APOL3: variants seen among roughly 807,000 people sequenced by gnomAD.
APOL3 encodes the protein TNF-inducible protein CG12-1.
In APOL3, 14 loss-of-function variants were observed where a neutral mutation model predicts 11.6. The ratio of observed to expected loss-of-function variants is 1.21; its 90% CI spans 0.80 to 1.89. APOL3 has a LOEUF of 1.89. Ranked by LOEUF, APOL3 falls within the 40% of genes most tolerant of loss-of-function variation. The pLI is 0.00. For missense variants in APOL3, 483 were observed against 492.1 expected (o/e 0.98, Z 0.17); for synonymous variants, 192 against 190.6 (o/e 1.01, Z -0.06).
upstream of APOL3, among the ~76,000 whole-genome samples, chr22:36,163,530 C>T (rs1258523001): frequency 6.6e-6 from 1 of 152,126 alleles, no homozygotes; most frequent in Non-Finnish European, 1.5e-5. Flanking sequence ...TTCTTTCTTT[C>T]TAACCACTTT....
intron 1 of APOL3, chr22:36,159,403 C>T (rs1402628173): frequency 6.6e-6 from 1 of 152,206 alleles, no homozygotes; most frequent in Non-Finnish European, 1.5e-5. Context: ...GGAAGGTCAA[C>T]ACCTGACCTC....
intron 1 of APOL3, among the ~76,000 whole-genome samples, chr22:36,155,514 C>G (rs966416628): frequency 1.1e-4 from 17 of 152,056 alleles, no homozygotes; most frequent in Admixed American, 6.5e-5. Flanking sequence ...AATAGAGGCA[C>G]TAGGGGAGTG....
chr22:36,160,788 C>G lies in APOL3; in HGVS notation c.104G>C (p.Gly35Ala), dbSNP rs148885226. 4 of 1,614,144 alleles carry G rather than the reference C, an allele frequency of 2.5e-6. No individual in the cohort carries two copies. In the East Asian group the frequency reaches 8.9e-5, roughly 36 times the overall value. Residue 35 changes from glycine (G) to alanine (A), a missense_variant, in exon 1 of 3, where the codon GGT (glycine) becomes GCT (alanine). Physicochemically the swap from Gly to Ala is moderately conservative, Grantham distance 60. Transcript: ENST00000349314. ...CACGTTCTCCAGGCTCTGAGATATA[C>G]CCTGGAACCCAAAAGGGAAAGTGAA...
Position 36,154,692 on chromosome 22 carries a change from A to G in APOL3, c.223+5977T>C. 3 of 468,270 alleles carry G rather than the reference A, an allele frequency of 6.4e-6. No individual in the cohort carries two copies. In the Admixed American group the frequency reaches 7.1e-5, roughly 11 times the overall value. 29.0% of individuals were successfully genotyped at this position (468,270 alleles called of 1,614,324 possible). On this transcript the variant is annotated intron_variant, in intron 1 of 2. Coordinates refer to ENST00000349314, the Ensembl canonical transcript of APOL3. ...ACAGGGTGACTCTGAGATTGTGAGC[A>G]AATGAGACAGAGCAATTAGACTTCA...
intron 1 of APOL3, among the ~76,000 whole-genome samples, chr22:36,145,823 A>C (rs2060180158): frequency 2.6e-5 from 4 of 152,112 alleles, no homozygotes; most frequent in Admixed American, 2.6e-4. Context: ...TAAGGAAGTC[A>C]TTAATTTAAA....
At chr22:36,146,384 C>T (rs1277980835) in intron 1 of APOL3, 11 of 151,948 alleles carry the variant, frequency 7.2e-5, no homozygotes, top group Admixed American at 3.3e-4. Flanking sequence ...TATTGTCAAA[C>T]GCTTTACACC....
At chr22:36,160,973 G>C (rs2013662627), upstream of APOL3, 4 of 1,277,874 alleles carry the variant, frequency 3.1e-6, no homozygotes, top group Middle Eastern at 2.4e-4. Flanking sequence ...CAACCCACCT[G>C]CCTCCCATAC....
chr22:36,149,554 A>G (rs547149173), intron 1 of APOL3, among the ~76,000 whole-genome samples: 36 of 152,328 alleles, frequency 2.4e-4, no homozygotes, highest in African/African-American at 8.7e-4. Flanking sequence ...TGTGATCTGC[A>G]GGGCTCCTCA....
chr22:36,144,972 C>T (rs1315904118), intron 2 of APOL3, among the ~76,000 whole-genome samples: 12 of 141,288 alleles, frequency 8.5e-5, no homozygotes, highest in Non-Finnish European at 1.7e-4. Flanking sequence ...GATCATGCCA[C>T]TGCACTCCAG....
At chr22:36,143,122 TCC>T (rs2060062190) in intron 2 of APOL3, among the ~76,000 whole-genome samples, 1 of 111,502 alleles carries the variant, frequency 9.0e-6, no homozygotes, top group Non-Finnish European at 2.2e-5. Context: ...GGGCTCAGTC[TCC>T]CTCCCCTGTA....
chr22:36,165,768 C>A (rs1031682833), upstream of APOL3: 3 of 152,180 alleles, frequency 2.0e-5, no homozygotes, highest in Non-Finnish European at 4.4e-5. Flanking sequence ...AAAAAGAGAA[C>A]CCAATTATTA....
upstream of APOL3, among the ~76,000 whole-genome samples, chr22:36,161,162 A>G (rs996908792): frequency 6.6e-6 from 1 of 152,010 alleles, no homozygotes; most frequent in African/African-American, 2.4e-5. Context: ...CGCTTATTGC[A>G]TATTGATTGT....
chr22:36,145,556 C>T, exon 2 of APOL3: 1 of 1,614,134 alleles, frequency 6.2e-7, no homozygotes, highest in South Asian at 1.1e-5. Flanking sequence ...GGCTGACTCT[C>T]TCCCGGAAGT....
chr22:36,160,805 G>A (rs375090796), exon 1 of APOL3: 3 of 1,613,710 alleles, frequency 1.9e-6, no homozygotes, highest in Non-Finnish European at 2.5e-6. Context: ...ACCCAAAAGG[G>A]AAAGTGAAAG....
chr22:36,151,544 T>C (rs1272430440), intron 1 of APOL3, among the ~76,000 whole-genome samples: 1 of 151,914 alleles, frequency 6.6e-6, no homozygotes, highest in Non-Finnish European at 1.5e-5. Context: ...TTCAAAAAGA[T>C]AGGCAAGGAA....
rs141120101 is a variant in APOL3, at chr22:36,160,853, A to C, written c.39T>G (p.Cys13Trp). 1.2e-4 allele frequency: 186 copies of C among 1,612,880 alleles called. No homozygotes were observed. Among genetic ancestry groups the C allele is most frequent in the Non-Finnish European group, 2.1e-5 (25 of 1,179,044 alleles). ...AGCAGCTCCTGATCAAACATGCAAA[A>C]CAGGATGCTTCCCAGCCCCACCCTT... Residue 13 changes from cysteine (C) to tryptophan (W), a missense_variant, in exon 1 of 3, where the codon TGT becomes TGG. By Grantham distance (215) the Cys-to-Trp change is radical (BLOSUM62 -2). Coordinates refer to ENST00000349314, the Ensembl canonical transcript of APOL3.
At chr22:36,156,832 C>T in intron 1 of APOL3, 1 of 419,968 alleles carries the variant, frequency 2.4e-6, no homozygotes, top group South Asian at 1.7e-5. Flanking sequence ...AGCTGCATCC[C>T]CTATGACTGA....
chr22:36,143,624 T>C (rs1423103416), intron 2 of APOL3, among the ~76,000 whole-genome samples: 1 of 152,180 alleles, frequency 6.6e-6, no homozygotes, highest in Non-Finnish European at 1.5e-5. Flanking sequence ...GGCCACTGGG[T>C]CCAGCCACTG....
chr22:36,150,472 G>C lies in APOL3; in HGVS notation c.224-4873C>G, dbSNP rs192326394. ...AAGAAAACTGAAACAGATGTTCAGCGACTTGCCCAATCTCAGAAATCTACT... is the reference window on the plus strand; with the variant it reads ...AAGAAAACTGAAACAGATGTTCAGCCACTTGCCCAATCTCAGAAATCTACT... On this transcript the variant is annotated intron_variant, in intron 1 of 2. Transcript: ENST00000349314. Among the ~76,000 whole-genome samples, 5 of 152,248 alleles carry C rather than the reference G, an allele frequency of 3.3e-5. No homozygotes were observed. The East Asian group carries it at 9.7e-4, about 29-fold the overall frequency.
Sources: gnomAD v4.1 joint callset for allele counts (sites outside exome capture counted in the v4.1 genomes callset) on GRCh38, gnomAD v4.1.1 for gene constraint, MANE v1.5 for transcripts, NCBI Gene and HGNC (gene_info 2026-07-23, HGNC 2026-07-21) for gene names.